ZDHHC20: variants seen among roughly 807,000 people sequenced by gnomAD.
ZDHHC20 encodes palmitoyltransferase ZDHHC20.
A neutral mutation model predicts 57.8 loss-of-function variants in ZDHHC20; 43 were observed. That is an observed-to-expected ratio of 0.74 (90% CI 0.58 to 0.96). The LOEUF (loss-of-function observed/expected upper bound fraction) is 0.96. Among genes scored for constraint, ZDHHC20 ranks in the 40% least tolerant of loss-of-function variants. ZDHHC20 has a pLI of 0.00. For missense variants in ZDHHC20, 391 were observed against 441.1 expected (o/e 0.89, Z 1.02); for synonymous variants, 157 against 153.0 (o/e 1.03, Z -0.19).
At chr13:21,452,721 T>C (rs1884563823) in intron 1 of ZDHHC20, among the ~76,000 whole-genome samples, 1 of 152,220 alleles carries the variant, frequency 6.6e-6, no homozygotes, top group Non-Finnish European at 1.5e-5. Context: ...TAAGGTATTA[T>C]ATATGAAACA....
chr13:21,381,125 G>A (rs1053448768), intron 11 of ZDHHC20, among the ~76,000 whole-genome samples: 1 of 151,896 alleles, frequency 6.6e-6, no homozygotes, highest in African/African-American at 2.4e-5. Flanking sequence ...TCTTGCCTCA[G>A]TCTCCTGAGT....
intron 7 of ZDHHC20, among the ~76,000 whole-genome samples, chr13:21,395,664 G>C (rs907770489): frequency 6.6e-6 from 1 of 151,316 alleles, no homozygotes; most frequent in Admixed American, 6.6e-5. Context: ...ACCACACCCA[G>C]CTAATTTTGT....
intron 1 of ZDHHC20, among the ~76,000 whole-genome samples, chr13:21,430,950 G>C (rs377356006): frequency 1.2e-4 from 19 of 152,226 alleles, no homozygotes; most frequent in African/African-American, 4.6e-4. Context: ...TCTTGTCTCA[G>C]AACTGGAAGT....
At chr13:21,431,501 T>C (rs1881944832) in intron 1 of ZDHHC20, among the ~76,000 whole-genome samples, 1 of 152,172 alleles carries the variant, frequency 6.6e-6, no homozygotes, top group Non-Finnish European at 1.5e-5. Flanking sequence ...AAAAATGGGA[T>C]TGCTGGGTCT....
chr13:21,381,619 G>T, intron 10 of ZDHHC20, 70 bp from the exon 11 acceptor site: 1 of 1,051,784 alleles, frequency 9.5e-7, no homozygotes, highest in Non-Finnish European at 1.4e-6. Flanking sequence ...AAATTAATAA[G>T]CAGCAAATTA....
intron 3 of ZDHHC20, among the ~76,000 whole-genome samples, chr13:21,417,247 C>G (rs375991895): frequency 1.3e-5 from 2 of 151,682 alleles, no homozygotes; most frequent in South Asian, 4.1e-4. Flanking sequence ...TATCATATTA[C>G]CATGTTATTT....
intron 4 of ZDHHC20, among the ~76,000 whole-genome samples, chr13:21,406,319 A>G (rs1878432621): frequency 6.6e-6 from 1 of 152,100 alleles, no homozygotes; most frequent in Non-Finnish European, 1.5e-5. Context: ...TTCTTATACT[A>G]CTTACTCCTG....
chr13:21,378,874 GTCTTCT>G, intron 11 of ZDHHC20, 136 bp from the exon 12 acceptor site: 1 of 436,806 alleles, frequency 2.3e-6, no homozygotes, highest in Non-Finnish European at 3.9e-6. Flanking sequence ...TCAACCATTT[GTCTTCT>G]TATAGAACCT....
intron 11 of ZDHHC20, among the ~76,000 whole-genome samples, chr13:21,379,848 G>A (rs1351866845): frequency 2.8e-5 from 4 of 141,980 alleles, no homozygotes; most frequent in East Asian, 4.3e-4. Flanking sequence ...ATGGAATCTC[G>A]CTGTCGCCCA....
intron 1 of ZDHHC20, among the ~76,000 whole-genome samples, chr13:21,454,529 TAAGA>T (rs1333017535): frequency 6.6e-6 from 1 of 152,112 alleles, no homozygotes; most frequent in African/African-American, 2.4e-5. Context: ...ACTACCTACC[TAAGA>T]AAGGGCTCAA....
chr13:21,422,568 C>T (rs1880763925), intron 2 of ZDHHC20, among the ~76,000 whole-genome samples: 1 of 152,200 alleles, frequency 6.6e-6, no homozygotes, highest in African/African-American at 2.4e-5. Flanking sequence ...TATCTCACAG[C>T]TTATCAGTAC....
intron 7 of ZDHHC20, among the ~76,000 whole-genome samples, chr13:21,395,414 T>C (rs1566074437): frequency 6.6e-6 from 1 of 151,524 alleles, no homozygotes; most frequent in African/African-American, 2.4e-5. Context: ...AGTTGCATAA[T>C]TTCTCCAATT....
At chr13:21,453,923 C>T (rs571176115) in intron 1 of ZDHHC20, among the ~76,000 whole-genome samples, 2 of 152,106 alleles carry the variant, frequency 1.3e-5, no homozygotes, top group Admixed American at 6.5e-5. Flanking sequence ...CATGGCTCAA[C>T]GCAGCCTTGA....
chr13:21,394,570 G>A (rs1027793142), intron 7 of ZDHHC20, among the ~76,000 whole-genome samples: 2 of 152,058 alleles, frequency 1.3e-5, no homozygotes, highest in Non-Finnish European at 2.9e-5. Flanking sequence ...TTTATTGAAT[G>A]AAGAAAAAGG....
chr13:21,442,800 G>C (rs1410174398), intron 1 of ZDHHC20, among the ~76,000 whole-genome samples: 5 of 151,436 alleles, frequency 3.3e-5, no homozygotes, highest in Admixed American at 2.6e-4. Flanking sequence ...CTTTTATTCA[G>C]CAGATATTTA....
Position 21,374,369 on chromosome 13 carries a change from C to G in ZDHHC20, c.*2327G>C, listed in dbSNP as rs560160306. On this transcript the variant is annotated 3_prime_UTR_variant, in exon 13 of 13. Coordinates refer to ENST00000400590, the MANE Select transcript of ZDHHC20 (RefSeq NM_001330059.2). ...CCTCCCGAGTAGTTGGGACTACAGG[C>G]GTGTGCCACCATGCCTGGACAGTTT... is the stretch of plus-strand genomic sequence containing the variant. 1.6e-4 allele frequency: 73 copies of G among 455,032 alleles called. No individual in the cohort carries two copies. The highest frequency in any genetic ancestry group is 1.4e-3 in the African/African-American group (71 of 50,184). 28.2% of individuals were successfully genotyped at this position (455,032 alleles called of 1,614,324 possible).
rs1286589366 is a variant in ZDHHC20 at position 21,375,384 on chromosome 13, G to A, written c.*1312C>T. The stretch of plus-strand genomic sequence containing the variant: ...GTGTGTGTCTGTCTGTCTAAAAGGT[G>A]TAAATGAGGAGTGACATTTCTACAT... On this transcript the variant is annotated 3_prime_UTR_variant, in exon 13 of 13. Coordinates refer to ENST00000400590, the MANE Select transcript of ZDHHC20 (RefSeq NM_001330059.2). 1.6e-5 allele frequency: 5 copies of A among 321,848 alleles called. No homozygotes were observed. The highest frequency in any genetic ancestry group is 3.0e-5 in the Non-Finnish European group (5 of 164,632). The allele number at this position is 321,848 out of a possible 1,614,324, so 19.9% of individuals were successfully genotyped here. A position where few individuals can be genotyped will look rare whatever the true frequency, so the allele number is the denominator to read the frequency against.
chr13:21,412,639 A>G (rs1026496124), intron 4 of ZDHHC20, among the ~76,000 whole-genome samples: 3 of 152,134 alleles, frequency 2.0e-5, no homozygotes, highest in Non-Finnish European at 4.4e-5. Context: ...CCCTGGATAC[A>G]GACCACCTAG....
At chr13:21,438,199 T>G (rs1882753796) in intron 1 of ZDHHC20, among the ~76,000 whole-genome samples, 1 of 152,216 alleles carries the variant, frequency 6.6e-6, no homozygotes, top group South Asian at 2.1e-4. Context: ...CAAGCCTTAT[T>G]ATTTATTTAA....
Sources: gnomAD v4.1 joint callset for allele counts (sites outside exome capture counted in the v4.1 genomes callset) on GRCh38, gnomAD v4.1.1 for gene constraint, MANE v1.5 for transcripts, NCBI Gene and HGNC (gene_info 2026-07-23, HGNC 2026-07-21) for gene names.